PREP: variants seen among roughly 807,000 people sequenced by gnomAD.
PREP encodes prolyl endopeptidase, also known as dJ355L5.1 (prolyl endopeptidase).
In PREP, 29 loss-of-function variants were observed where a neutral mutation model predicts 87.6. The observed-to-expected ratio is 0.33, with a 90% CI of 0.25 to 0.45. The LOEUF (loss-of-function observed/expected upper bound fraction) is 0.45, where lower values mean the gene tolerates loss of function less well. Among genes scored for constraint, PREP ranks in the 20% least tolerant of loss-of-function variants. The pLI is 1.00. For missense variants in PREP, 695 were observed against 886.5 expected (o/e 0.78, Z 2.74); for synonymous variants, 337 against 328.6 (o/e 1.03, Z -0.28).
intron 10 of PREP, among the ~76,000 whole-genome samples, chr6:105,297,817 T>C (rs539134926): frequency 6.6e-6 from 1 of 152,124 alleles, no homozygotes; most frequent in East Asian, 1.9e-4. Flanking sequence ...ACAAGGAGCC[T>C]GGACCTGGCA....
At chr6:105,355,359 C>A (rs991016408) in intron 6 of PREP, among the ~76,000 whole-genome samples, 1 of 152,046 alleles carries the variant, frequency 6.6e-6, no homozygotes, top group African/African-American at 2.4e-5. Context: ...AGTGCCACTG[C>A]GCCCAGCCAA....
chr6:105,400,613 T>C (rs1296204499), intron 1 of PREP, among the ~76,000 whole-genome samples: 6 of 152,204 alleles, frequency 3.9e-5, no homozygotes, highest in Non-Finnish European at 8.8e-5. Context: ...TCCTCTTCTG[T>C]GTTCTCCTCT....
rs74423447 is a variant in PREP, at chr6:105,277,684, C to T, written c.*460G>A. On this transcript the variant is annotated 3_prime_UTR_variant, in exon 15 of 15. Transcript: ENST00000652536. ...ACAGAAAACTCCACTTCTGGAGTTG[C>T]CCCTCAATATGAAGAAACCGGAAGT... 3.1e-4 allele frequency: 49 copies of T among 157,030 alleles called. No individual in the cohort carries two copies. The East Asian group carries it at 9.0e-3, about 29-fold the overall frequency. 9.7% of individuals were successfully genotyped at this position (157,030 alleles called of 1,614,324 possible).
chr6:105,328,726 T>C, intron 9 of PREP, 103 bp downstream of exon 9: 2 of 1,244,646 alleles, frequency 1.6e-6, no homozygotes, highest in African/African-American at 1.5e-5. Context: ...TAATACAGCA[T>C]ATGTGATTTT....
At chr6:105,344,067 C>T (rs1168373271) in intron 7 of PREP, among the ~76,000 whole-genome samples, 2 of 152,320 alleles carry the variant, frequency 1.3e-5, no homozygotes, top group East Asian at 3.9e-4. Context: ...AAGACACATG[C>T]ACACGTATGT....
intron 6 of PREP, among the ~76,000 whole-genome samples, chr6:105,362,318 G>A (rs757695453): frequency 6.6e-6 from 1 of 152,148 alleles, no homozygotes; most frequent in Non-Finnish European, 1.5e-5. Context: ...AAAATTAGCT[G>A]GGCTTGGTGG....
chr6:105,304,232 TC>T (rs1474282627), intron 10 of PREP, among the ~76,000 whole-genome samples: 1 of 152,206 alleles, frequency 6.6e-6, no homozygotes, highest in East Asian at 1.9e-4. Flanking sequence ...CTAGAGATAA[TC>T]TAAAGTGTGT....
At position 105,397,654 on chromosome 6, in the gene PREP, T is replaced by C. The variant is rs1220945795; in HGVS notation, c.120+199A>G. Reference sequence around the variant, plus strand: ...AACATTATCTGAAACACTTAGGTGATCTTCTCTGGGACTAAGCCATGCTTT... The same window carrying C: ...AACATTATCTGAAACACTTAGGTGACCTTCTCTGGGACTAAGCCATGCTTT... On this transcript the variant is annotated intron_variant, in intron 2 of 14. Transcript: ENST00000652536. Among the ~76,000 whole-genome samples the C allele has an allele frequency of 2.6e-5, 4 of 152,230 alleles. No individual in the cohort carries two copies. The South Asian group carries it at 6.2e-4, about 24-fold the overall frequency.
At chr6:105,398,037 T>A in intron 1 of PREP, 110 bp from the exon 2 acceptor site, 1 of 817,372 alleles carries the variant, frequency 1.2e-6, no homozygotes, top group Non-Finnish European at 2.0e-6. Context: ...AAATGCTAAT[T>A]GGCTCACTGG....
chr6:105,357,679 A>G (rs762250146), intron 6 of PREP, among the ~76,000 whole-genome samples: 2 of 152,172 alleles, frequency 1.3e-5, no homozygotes, highest in African/African-American at 2.4e-5. Flanking sequence ...TAAACAACAC[A>G]CACTTAATGA....
At chr6:105,390,345 T>C (rs1217571107) in intron 2 of PREP, among the ~76,000 whole-genome samples, 1 of 152,254 alleles carries the variant, frequency 6.6e-6, no homozygotes, top group African/African-American at 2.4e-5. Flanking sequence ...AAGGAACGAA[T>C]ATAAATAAAA....
chr6:105,394,781 A>G (rs1185761589), intron 2 of PREP, among the ~76,000 whole-genome samples: 1 of 152,206 alleles, frequency 6.6e-6, no homozygotes, highest in Non-Finnish European at 1.5e-5. Flanking sequence ...GTCTCTAACA[A>G]AAGAGTCAGT....
At chr6:105,339,703 G>C (rs757807379) in intron 7 of PREP, among the ~76,000 whole-genome samples, 1 of 152,170 alleles carries the variant, frequency 6.6e-6, no homozygotes, top group Admixed American at 6.5e-5. Flanking sequence ...ATGACCTGAT[G>C]GAGCTGAAAA....
chr6:105,290,890 A>G (rs1455098395), intron 10 of PREP, among the ~76,000 whole-genome samples: 1 of 152,244 alleles, frequency 6.6e-6, no homozygotes, highest in Non-Finnish European at 1.5e-5. Flanking sequence ...ATTGTGGGCA[A>G]GAAAACTCCT....
intron 10 of PREP, among the ~76,000 whole-genome samples, chr6:105,289,777 C>A (rs1268413725): frequency 6.6e-6 from 1 of 152,190 alleles, no homozygotes; most frequent in Non-Finnish European, 1.5e-5. Context: ...CCCCAAACAA[C>A]CCCTGGAAAG....
intron 10 of PREP, among the ~76,000 whole-genome samples, chr6:105,308,749 G>A (rs1240593960): frequency 6.6e-6 from 1 of 152,118 alleles, no homozygotes; most frequent in African/African-American, 2.4e-5. Flanking sequence ...CAATCGTCAA[G>A]TACTTAAACA....
intron 2 of PREP, among the ~76,000 whole-genome samples, chr6:105,395,266 G>T (rs965669135): frequency 2.6e-5 from 4 of 152,286 alleles, no homozygotes; most frequent in Admixed American, 1.3e-4. Flanking sequence ...GCACAGACAT[G>T]AATACATTCC....
rs1771249545 is a variant in PREP, at chr6:105,329,019, T to C, written c.1023A>G (p.Ile341Met). 1 of 1,613,174 alleles carries C rather than the reference T, an allele frequency of 6.2e-7. No homozygotes were observed. The highest frequency in any genetic ancestry group is 8.5e-7 in the Non-Finnish European group (1 of 1,179,236). ...PEHEKDVLEW[I>M]ACVRSNFLVL... ...CCAAGAAGTTGGACCTGACACAAGC[T>C]ATCCATTCTGAAAGGATAAGAAGAG... is the stretch of plus-strand genomic sequence containing the variant. Residue 341 changes from isoleucine to methionine, a missense_variant, in exon 9 of 15, where the codon ATA (isoleucine) becomes ATG (methionine). Ile to Met is a conservative substitution (Grantham distance 10, BLOSUM62 1). This residue lies in a region of PREP where 517 missense variants were observed against 620.3 expected (regional missense o/e 0.83). Coordinates refer to ENST00000652536, the MANE Select transcript of PREP (RefSeq NM_002726.5).
intron 2 of PREP, among the ~76,000 whole-genome samples, chr6:105,395,887 G>A (rs919545174): frequency 6.6e-6 from 1 of 152,158 alleles, no homozygotes; most frequent in African/African-American, 2.4e-5. Context: ...TCCTTTCCCT[G>A]GTGCTTTCTA....
Sources: gnomAD v4.1 joint callset for allele counts (sites outside exome capture counted in the v4.1 genomes callset) on GRCh38, gnomAD v4.1.1 for gene constraint, gnomAD v4.1.1 regional missense constraint, MANE v1.5 for transcripts, NCBI Gene and HGNC (gene_info 2026-07-23, HGNC 2026-07-21) for gene names.